The following UNC5C variants were observed in gnomAD, a reference collection of about 807,000 sequenced individuals.
UNC5C encodes netrin receptor UNC5C.
In UNC5C, 47 loss-of-function variants were observed where a neutral mutation model predicts 99.8. The observed-to-expected ratio is 0.47, with a 90% confidence interval of 0.37 to 0.60. The LOEUF (loss-of-function observed/expected upper bound fraction) is 0.60, where lower values mean the gene tolerates loss of function less well. Among genes scored for constraint, UNC5C ranks in the 20% least tolerant of loss-of-function variants. The probability of loss-of-function intolerance (pLI) is 0.00; values close to 1 mark genes in which losing one functional copy is unlikely to be tolerated. For missense variants in UNC5C, 1,062 were observed against 1,165.9 expected, an observed-to-expected ratio of 0.91 and a Z score of 1.30; for synonymous variants, 487 against 452.2, an observed-to-expected ratio of 1.08 and a Z score of -0.98.
intron 4 of UNC5C, among the ~76,000 whole-genome samples, chr4:95,272,287 A>G (rs541195437): frequency 3.9e-5 from 6 of 152,364 alleles, no homozygotes; most frequent in South Asian, 2.1e-4. Flanking sequence ...TCTTTCTTAT[A>G]TAAGTGAATT....
intron 14 of UNC5C, 64 bp from the exon 15 acceptor site, chr4:95,170,396 C>T: frequency 6.4e-7 from 1 of 1,550,860 alleles, no homozygotes. Flanking sequence ...CTCTATTGAA[C>T]CAATCAACAT....
At position 95,170,325 on chromosome 4, in the gene UNC5C, G is replaced by A; in HGVS notation, c.2459C>T (p.Thr820Ile). The change falls in exon 15 of 16, where the codon ACT becomes ATT. Residue 820 changes from threonine (T) to isoleucine (I), a missense_variant. Thr to Ile is a moderately conservative substitution (Grantham distance 89). Transcript: ENST00000453304. ...ATCCAGCAGCGGCAAATCGATGCCAGTAGGTTCCTGTAGTTCAGGGACAGG... is the reference window on the plus strand; with the variant it reads ...ATCCAGCAGCGGCAAATCGATGCCAATAGGTTCCTGTAGTTCAGGGACAGG... The part of the protein sequence containing the change: ...QLNCTVSEEP[T>I]GIDLPLLDPA... 1.2e-6 allele frequency: 2 copies of A among 1,613,944 alleles called. No individual in the cohort carries two copies. Among genetic ancestry groups the A allele is most frequent in the Non-Finnish European group, 1.7e-6 (2 of 1,179,814 alleles).
intron 1 of UNC5C, among the ~76,000 whole-genome samples, chr4:95,484,409 T>C (rs752806830): frequency 1.3e-4 from 20 of 151,804 alleles, no homozygotes; most frequent in Non-Finnish European, 4.4e-5. Flanking sequence ...CCTGTTCCCA[T>C]TTCTGCCTGG....
Position 95,532,952 on chromosome 4 carries a change from T to C in UNC5C, c.124+15782A>G, listed in dbSNP as rs183193623. On this transcript the variant is annotated intron_variant, in intron 1 of 15. Transcript: ENST00000453304. ...TTAAGAAAAAAAGTTCTACTGATGG[T>C]GTCTCTTAGAATTTTCCTGACTTCA... is the stretch of plus-strand genomic sequence containing the variant. Among the ~76,000 whole-genome samples, 10 of 150,428 alleles carry C rather than the reference T, an allele frequency of 6.6e-5. No individual in the cohort carries two copies. The East Asian group carries it at 1.9e-3, about 29-fold the overall frequency.
At chr4:95,368,229 A>G (rs1264483795) in intron 1 of UNC5C, among the ~76,000 whole-genome samples, 2 of 151,952 alleles carry the variant, frequency 1.3e-5, no homozygotes, top group African/African-American at 2.4e-5. Flanking sequence ...CAATAAGCTA[A>G]TAAGTCTATG....
intron 1 of UNC5C, among the ~76,000 whole-genome samples, chr4:95,335,883 T>A (rs1843017): frequency 0.16 from 23,858 of 151,750 alleles, 2,081 homozygotes; most frequent in Admixed American, 0.2. Flanking sequence ...AGGTAGTAAA[T>A]AGCAGAGCTG....
chr4:95,410,565 A>C (rs981836099), intron 1 of UNC5C, among the ~76,000 whole-genome samples: 4 of 152,214 alleles, frequency 2.6e-5, no homozygotes, highest in African/African-American at 7.2e-5. Flanking sequence ...GCTGAAGTGC[A>C]GGCAAAAGAT....
chr4:95,342,238 T>G (rs889643817), intron 1 of UNC5C, among the ~76,000 whole-genome samples: 1 of 152,014 alleles, frequency 6.6e-6, no homozygotes, highest in African/African-American at 2.4e-5. Flanking sequence ...GGCTGACAGC[T>G]TATAGGAGAC....
At chr4:95,285,275 G>A (rs1741193530) in intron 3 of UNC5C, among the ~76,000 whole-genome samples, 1 of 152,116 alleles carries the variant, frequency 6.6e-6, no homozygotes, top group African/African-American at 2.4e-5. Flanking sequence ...TATGAAGCAA[G>A]TAATTCTTCA....
intron 4 of UNC5C, among the ~76,000 whole-genome samples, chr4:95,265,272 T>A (rs907989366): frequency 2.6e-5 from 4 of 151,520 alleles, no homozygotes; most frequent in Admixed American, 6.7e-5. Flanking sequence ...TAATTCCATC[T>A]GGATGCTCAA....
intron 1 of UNC5C, among the ~76,000 whole-genome samples, chr4:95,398,926 A>G (rs951815059): frequency 6.6e-6 from 1 of 152,210 alleles, no homozygotes; most frequent in Admixed American, 6.5e-5. Context: ...ACAGAAAAAA[A>G]GTATTGTTTC....
At chr4:95,321,544 G>A (rs1318255776) in intron 2 of UNC5C, among the ~76,000 whole-genome samples, 2 of 152,140 alleles carry the variant, frequency 1.3e-5, no homozygotes, top group Non-Finnish European at 2.9e-5. Flanking sequence ...TGTTGGCCAT[G>A]TTAGCCCAGG....
intron 1 of UNC5C, among the ~76,000 whole-genome samples, chr4:95,433,537 C>A (rs1277856670): frequency 6.6e-6 from 1 of 151,980 alleles, no homozygotes; most frequent in African/African-American, 2.4e-5. Flanking sequence ...TTACTAGTTT[C>A]ATCATACTTC....
chr4:95,426,218 C>T (rs1297996336), intron 1 of UNC5C, among the ~76,000 whole-genome samples: 1 of 152,136 alleles, frequency 6.6e-6, no homozygotes, highest in Non-Finnish European at 1.5e-5. Context: ...TTAAATCTGC[C>T]ATGGTGATCT....
chr4:95,449,324 GC>G (rs1747215151), intron 1 of UNC5C, among the ~76,000 whole-genome samples: 2 of 152,108 alleles, frequency 1.3e-5, no homozygotes, highest in African/African-American at 4.8e-5. Context: ...AAAATTCCAG[GC>G]CTTTCATGAA....
chr4:95,531,569 C>T (rs1722643227), intron 1 of UNC5C, among the ~76,000 whole-genome samples: 1 of 152,096 alleles, frequency 6.6e-6, no homozygotes, highest in Admixed American at 6.5e-5. Flanking sequence ...TCAATAACAC[C>T]TTATAATGAT....
intron 1 of UNC5C, among the ~76,000 whole-genome samples, chr4:95,417,429 TA>T (rs2149454574): frequency 6.6e-6 from 1 of 152,328 alleles, no homozygotes; most frequent in South Asian, 2.1e-4. Context: ...ACTTGTTGCA[TA>T]GTGATTTTCA....
chr4:95,381,173 T>C (rs1295430698), intron 1 of UNC5C, among the ~76,000 whole-genome samples: 2 of 152,166 alleles, frequency 1.3e-5, no homozygotes, highest in Non-Finnish European at 2.9e-5. Context: ...AAAAAATTTC[T>C]TATAGGTACA....
intron 7 of UNC5C, among the ~76,000 whole-genome samples, chr4:95,238,492 T>C (rs1291987148): frequency 6.6e-6 from 1 of 152,186 alleles, no homozygotes; most frequent in African/African-American, 2.4e-5. Flanking sequence ...CATGTTAATA[T>C]TGTCTACCAT....
Sources: allele counts gnomAD v4.1 joint callset (sites outside exome capture counted in the v4.1 genomes callset), GRCh38; gene constraint gnomAD v4.1.1; transcripts MANE v1.5; gene names NCBI Gene and HGNC (gene_info 2026-07-23, HGNC 2026-07-21).